The following MSTO1 variants were observed in gnomAD, a reference collection of about 807,000 sequenced individuals.
The protein encoded by MSTO1 is protein misato homolog 1.
A neutral mutation model predicts 55.7 loss-of-function variants in MSTO1; 24 were observed. The ratio of observed to expected loss-of-function variants is 0.43; its 90% CI spans 0.31 to 0.61. The LOEUF is 0.61. MSTO1 is among the 20% of genes least tolerant of loss of function. The probability of loss-of-function intolerance (pLI) is 0.09; values close to 1 mark genes in which losing one functional copy is unlikely to be tolerated. For missense variants in MSTO1, 363 were observed against 625.7 expected (o/e 0.58, Z 4.48); for synonymous variants, 162 against 252.8 (o/e 0.64, Z 3.41).
the MSTO1 span, chr1:155,590,959 G>A: frequency 6.2e-7 from 1 of 1,613,852 alleles, no homozygotes; most frequent in Non-Finnish European, 8.5e-7. Context: ...GGTACACTTG[G>A]CCCCAGCAAG....
At chr1:155,609,886 G>C (rs1388323262), upstream of MSTO1, 1 of 243,016 alleles carries the variant, frequency 4.1e-6, no homozygotes, top group African/African-American at 2.3e-5. Context: ...TCAGCCAGCG[G>C]AGAGATCTGT....
At chr1:155,565,350 T>C in the MSTO1 span, among the ~76,000 whole-genome samples, 1 of 151,656 alleles carries the variant, frequency 6.6e-6, no homozygotes, top group Admixed American at 6.6e-5. Context: ...GTTAGATACT[T>C]AAAATACCAG....
chr1:155,570,549 TTTATC>T, the MSTO1 span, among the ~76,000 whole-genome samples: 20 of 152,312 alleles, frequency 1.3e-4, no homozygotes, highest in East Asian at 1.2e-3. Flanking sequence ...AGTCATTCAC[TTTATC>T]TTATCTTATA....
chr1:155,571,267 A>G, the MSTO1 span, among the ~76,000 whole-genome samples: 1 of 152,184 alleles, frequency 6.6e-6, no homozygotes, highest in African/African-American at 2.4e-5. Context: ...ATAGGGCCCA[A>G]CACAAATTGA....
upstream of MSTO1, among the ~76,000 whole-genome samples, chr1:155,608,374 A>G (rs889665215): frequency 3.3e-5 from 5 of 151,970 alleles, no homozygotes; most frequent in African/African-American, 7.3e-5. Context: ...GTCTCACTAC[A>G]TTGTCCAGTC....
chr1:155,587,724 A>G, the MSTO1 span, among the ~76,000 whole-genome samples: 5 of 147,400 alleles, frequency 3.4e-5, no homozygotes, highest in Non-Finnish European at 7.5e-5. Flanking sequence ...AGCCTGGGCG[A>G]CAGAGCGAGA....
the MSTO1 span, among the ~76,000 whole-genome samples, chr1:155,583,946 A>G: frequency 4.7e-4 from 72 of 152,300 alleles, 1 homozygote; most frequent in African/African-American, 8.2e-4. Flanking sequence ...TCCCACAAGT[A>G]AAAAGGCAGG....
chr1:155,568,252 G>A, the MSTO1 span, among the ~76,000 whole-genome samples: 2 of 150,870 alleles, frequency 1.3e-5, no homozygotes, highest in East Asian at 2.0e-4. Context: ...GCTAATTTTC[G>A]TAGTTTTAGT....
chr1:155,577,536 A>G, the MSTO1 span, among the ~76,000 whole-genome samples: 3 of 152,136 alleles, frequency 2.0e-5, no homozygotes, highest in Non-Finnish European at 4.4e-5. Context: ...TGAAGAGACT[A>G]TTCTTTCTTC....
At chr1:155,585,480 G>A in the MSTO1 span, among the ~76,000 whole-genome samples, 2 of 144,784 alleles carry the variant, frequency 1.4e-5, no homozygotes, top group Admixed American at 7.2e-5. Context: ...CTGAGATCGC[G>A]CCACTGCACT....
upstream of MSTO1, among the ~76,000 whole-genome samples, chr1:155,609,234 TATATATA>T (rs1382720082): frequency 5.9e-5 from 3 of 51,056 alleles, no homozygotes; most frequent in East Asian, 9.7e-4. Flanking sequence ...TATATATATA[TATATATA>T]TATTTTTTTT....
the MSTO1 span, among the ~76,000 whole-genome samples, chr1:155,596,466 G>A: frequency 6.6e-5 from 10 of 152,138 alleles, no homozygotes; most frequent in African/African-American, 2.4e-4. Flanking sequence ...TGGGTTTGGG[G>A]ACAGCAACCA....
At position 155,612,258 on chromosome 1, in the gene MSTO1, A is replaced by T; in HGVS notation, c.755A>T (p.Glu252Val). 6.3e-7 allele frequency: 1 copy of T among 1,591,932 alleles called. No individual in the cohort carries two copies. The highest frequency in any genetic ancestry group is 8.6e-7 in the Non-Finnish European group (1 of 1,168,562). The change falls in exon 8 of 14, where the codon GAA becomes GTA. Residue 252 changes from glutamate (E) to valine (V), a missense_variant. Transcript: ENST00000245564. ...GAKAAELLQD[E>V]YSGRGIITWG... ...AAGGCGGCAGAGCTGCTACAAGATG[A>T]ATATTCAGGGCGGGGAATAATAACC...
chr1:155,581,839 G>A, the MSTO1 span, among the ~76,000 whole-genome samples: 1 of 151,480 alleles, frequency 6.6e-6, no homozygotes, highest in African/African-American at 2.4e-5. Context: ...TGTCACCCAG[G>A]CTGGAGTGCA....
the MSTO1 span, among the ~76,000 whole-genome samples, chr1:155,598,112 C>A: frequency 6.6e-6 from 1 of 152,082 alleles, no homozygotes; most frequent in Non-Finnish European, 1.5e-5. Context: ...GCCACTACAC[C>A]CGGCCAGAAT....
chr1:155,586,672 G>T, the MSTO1 span: 1 of 519,308 alleles, frequency 1.9e-6, no homozygotes, highest in South Asian at 1.4e-5. Context: ...ATGCTGAAAG[G>T]AATAACAAGG....
the MSTO1 span, among the ~76,000 whole-genome samples, chr1:155,583,700 T>C: frequency 3.3e-5 from 5 of 152,286 alleles, no homozygotes; most frequent in East Asian, 9.7e-4. Flanking sequence ...TCATTTCTCA[T>C]AGTGTCTATA....
chr1:155,602,141 C>T, the MSTO1 span: 1 of 709,940 alleles, frequency 1.4e-6, no homozygotes, highest in South Asian at 1.4e-5. Context: ...CTTTGATCAA[C>T]CTTTAGAGGT....
the MSTO1 span, chr1:155,590,467 G>A: frequency 2.1e-6 from 1 of 482,688 alleles, no homozygotes; most frequent in Non-Finnish European, 3.6e-6. Flanking sequence ...GTTTTTAAAT[G>A]AATTTTAAAT....
Sources: gnomAD v4.1 joint callset for allele counts (sites outside exome capture counted in the v4.1 genomes callset) on GRCh38, gnomAD v4.1.1 for gene constraint, MANE v1.5 for transcripts, NCBI Gene and HGNC (gene_info 2026-07-23, HGNC 2026-07-21) for gene names.